The following DPYD variants were observed in gnomAD, a reference collection of about 807,000 sequenced individuals.
DPYD encodes dihydropyrimidine dehydrogenase, also known as dihydropyrimidine dehydrogenase [NADP(+)].
In DPYD, 109 loss-of-function variants were observed where a neutral mutation model predicts 116.2. The observed-to-expected ratio is 0.94, with a 90% CI of 0.80 to 1.10. The LOEUF (loss-of-function observed/expected upper bound fraction) is 1.10, where lower values mean the gene tolerates loss of function less well. DPYD is among the 50% of genes least tolerant of loss of function. DPYD has a pLI of 0.00. For missense variants in DPYD, 1,302 were observed against 1,254.5 expected (o/e 1.04, Z -0.57); for synonymous variants, 440 against 432.0 (o/e 1.02, Z -0.23).
At chr1:97,834,399 T>C (rs1465859122) in intron 2 of DPYD, among the ~76,000 whole-genome samples, 1 of 150,864 alleles carries the variant, frequency 6.6e-6, no homozygotes, top group Non-Finnish European at 1.5e-5. Flanking sequence ...GCCAATTCAA[T>C]AGGGTAACTG....
chr1:97,096,079 G>A (rs1249604110), intron 21 of DPYD: 1 of 152,174 alleles, frequency 6.6e-6, no homozygotes, highest in Non-Finnish European at 1.5e-5. Context: ...GACAACTTAG[G>A]AGAGGAACAT....
intron 18 of DPYD, among the ~76,000 whole-genome samples, chr1:97,242,005 T>A (rs1662366024): frequency 6.6e-6 from 1 of 150,648 alleles, no homozygotes; most frequent in African/African-American, 2.4e-5. Context: ...ATATATTATT[T>A]CATTGGCTTC....
chr1:97,768,958 C>T (rs1200732355), intron 3 of DPYD, among the ~76,000 whole-genome samples: 1 of 151,238 alleles, frequency 6.6e-6, no homozygotes, highest in African/African-American at 2.4e-5. Flanking sequence ...AAAATCTCCA[C>T]AAAATAAAGA....
intron 12 of DPYD, among the ~76,000 whole-genome samples, chr1:97,541,923 T>A (rs1375653263): frequency 6.6e-6 from 1 of 152,160 alleles, no homozygotes; most frequent in African/African-American, 2.4e-5. Context: ...TAATATCACA[T>A]TATAAACAAT....
intron 8 of DPYD, among the ~76,000 whole-genome samples, chr1:97,647,571 C>T (rs1658341076): frequency 6.6e-6 from 1 of 151,762 alleles, no homozygotes; most frequent in Admixed American, 6.6e-5. Flanking sequence ...AATATATATA[C>T]AATGTATAAT....
At position 97,677,397 on chromosome 1, in the gene DPYD, ACCTAAAG is replaced by A. The variant is rs572628256; in HGVS notation, c.850+1691_850+1697del. On this transcript the variant is annotated intron_variant, in intron 8 of 22. Coordinates refer to ENST00000370192, the MANE Select transcript of DPYD (RefSeq NM_000110.4). ...TTTGATAACATTATTAGTATTGCAG[ACCTAAAG>A]CCTGATGAAATTTTTCACTTATTAC... Among the ~76,000 whole-genome samples, 560 of 152,268 alleles carry A rather than the reference ACCTAAAG, an allele frequency of 3.7e-3. 3 individuals are homozygous for A. Among genetic ancestry groups the A allele is most frequent in the South Asian group, 0.019 (94 of 4,822 alleles).
intron 8 of DPYD, among the ~76,000 whole-genome samples, chr1:97,668,802 A>C (rs1659704917): frequency 6.6e-6 from 1 of 152,102 alleles, no homozygotes; most frequent in Non-Finnish European, 1.5e-5. Context: ...TATTAGTAAA[A>C]TATAAATGAT....
chr1:97,333,706 G>C (rs576418913), intron 16 of DPYD, among the ~76,000 whole-genome samples: 40 of 150,574 alleles, frequency 2.7e-4, no homozygotes, highest in Admixed American at 2.0e-3. Context: ...TATTTTAGTA[G>C]AGATGGGGTT....
chr1:97,796,162 C>G (rs1215240537), intron 3 of DPYD, among the ~76,000 whole-genome samples: 3 of 151,972 alleles, frequency 2.0e-5, no homozygotes, highest in Admixed American at 2.0e-4. Context: ...TTTTATTGTA[C>G]AGTTTAAAAT....
At chr1:97,278,916 TA>T (rs199727723) in intron 18 of DPYD, among the ~76,000 whole-genome samples, 98 of 143,428 alleles carry the variant, frequency 6.8e-4, no homozygotes, top group African/African-American at 2.3e-3. Flanking sequence ...TGGTATTTCG[TA>T]AAAATTTTTT....
intron 3 of DPYD, among the ~76,000 whole-genome samples, chr1:97,787,052 A>G (rs1051380593): frequency 6.6e-6 from 1 of 152,220 alleles, no homozygotes; most frequent in African/African-American, 2.4e-5. Flanking sequence ...TAAAATATTC[A>G]TGCATTCTCC....
intron 3 of DPYD, among the ~76,000 whole-genome samples, chr1:97,754,542 T>C (rs1474424890): frequency 6.6e-6 from 1 of 152,204 alleles, no homozygotes; most frequent in East Asian, 1.9e-4. Flanking sequence ...AGTACTTAAA[T>C]GTGTTTGTGT....
intron 13 of DPYD, among the ~76,000 whole-genome samples, chr1:97,490,670 C>T (rs1678924614): frequency 6.6e-6 from 1 of 151,196 alleles, no homozygotes. Context: ...AGAAGGTGAA[C>T]TTAGGTGTAC....
intron 16 of DPYD, among the ~76,000 whole-genome samples, chr1:97,352,636 C>CA (rs764465932): frequency 5.6e-4 from 84 of 149,038 alleles, no homozygotes; most frequent in Non-Finnish European, 1.1e-3. Flanking sequence ...ACACTGTTTT[C>CA]AAAAAAAACT....
At chr1:97,273,472 T>C (rs1293434341) in intron 18 of DPYD, among the ~76,000 whole-genome samples, 1 of 152,196 alleles carries the variant, frequency 6.6e-6, no homozygotes, top group Non-Finnish European at 1.5e-5. Flanking sequence ...ACCTCCATAC[T>C]GACTGCAAAA....
intron 8 of DPYD, among the ~76,000 whole-genome samples, chr1:97,601,950 T>C (rs1655273728): frequency 6.6e-6 from 1 of 152,070 alleles, no homozygotes; most frequent in African/African-American, 2.4e-5. Flanking sequence ...AACTGCTGTC[T>C]ATACTCTTTC....
At chr1:97,750,562 C>T (rs1664815858) in intron 3 of DPYD, among the ~76,000 whole-genome samples, 1 of 152,014 alleles carries the variant, frequency 6.6e-6, no homozygotes, top group South Asian at 2.1e-4. Flanking sequence ...TCACATTATC[C>T]TAAGTAATTT....
intron 3 of DPYD, among the ~76,000 whole-genome samples, chr1:97,750,110 A>G (rs1192029433): frequency 6.6e-6 from 1 of 152,116 alleles, no homozygotes; most frequent in Non-Finnish European, 1.5e-5. Flanking sequence ...TTAAAAAACT[A>G]ATATATATTT....
intron 14 of DPYD, among the ~76,000 whole-genome samples, chr1:97,398,288 A>G (rs1383177204): frequency 6.6e-6 from 1 of 152,164 alleles, no homozygotes; most frequent in African/African-American, 2.4e-5. Context: ...ATTATTTTTT[A>G]TGGCTGCATA....
Sources: gnomAD v4.1 joint callset for allele counts (sites outside exome capture counted in the v4.1 genomes callset) on GRCh38, gnomAD v4.1.1 for gene constraint, MANE v1.5 for transcripts, NCBI Gene and HGNC (gene_info 2026-07-23, HGNC 2026-07-21) for gene names.